The following NHSL1 variants were observed in gnomAD, a reference collection of about 807,000 sequenced individuals.
NHSL1 encodes NHS like 1.
NHSL1 carries 48 observed loss-of-function variants against 95.0 expected under a neutral mutation model. That is an observed-to-expected ratio of 0.51 (90% confidence interval 0.40 to 0.64). The LOEUF (loss-of-function observed/expected upper bound fraction) is 0.64. NHSL1 is among the 30% of genes least tolerant of loss of function. The pLI, the probability that NHSL1 is intolerant of heterozygous loss-of-function variation, is 0.00. For missense variants in NHSL1, 1,971 were observed against 2,077.7 expected (o/e 0.95, Z 1.00); for synonymous variants, 783 against 833.9 (o/e 0.94, Z 1.05).
intron 1 of NHSL1, among the ~76,000 whole-genome samples, chr6:138,580,827 C>G (rs1483717093): frequency 2.6e-5 from 4 of 152,208 alleles, no homozygotes; most frequent in African/African-American, 9.7e-5. Flanking sequence ...AGGTATGATT[C>G]AGTTAAGGAT....
intron 1 of NHSL1, among the ~76,000 whole-genome samples, chr6:138,670,871 T>C (rs187556277): frequency 6.6e-6 from 1 of 151,840 alleles, no homozygotes. Flanking sequence ...ATGGACCAGA[T>C]AGGCCAAGCA....
At chr6:138,514,248 G>A (rs1348833876) in intron 1 of NHSL1, among the ~76,000 whole-genome samples, 1 of 152,124 alleles carries the variant, frequency 6.6e-6, no homozygotes, top group Non-Finnish European at 1.5e-5. Context: ...AACCCGGGAG[G>A]AGGGGGTTGC....
chr6:138,439,254 G>A (rs192919939), intron 5 of NHSL1, among the ~76,000 whole-genome samples: 1 of 152,218 alleles, frequency 6.6e-6, no homozygotes, highest in South Asian at 2.1e-4. Context: ...TTTGGACAGG[G>A]TGCATCTTTC....
chr6:138,618,863 T>C (rs1030577744), intron 1 of NHSL1, among the ~76,000 whole-genome samples: 2 of 152,162 alleles, frequency 1.3e-5, no homozygotes, highest in Non-Finnish European at 2.9e-5. Context: ...ATTTAAAATA[T>C]ATATAATCAC....
At chr6:138,447,218 C>G in intron 3 of NHSL1, 25 bp from the exon 4 acceptor site, 1 of 1,530,708 alleles carries the variant, frequency 6.5e-7, no homozygotes, top group South Asian at 1.2e-5. Flanking sequence ...GAAGCAGCAG[C>G]CACAGTGTAT....
At chr6:138,469,873 A>C (rs1418180591) in intron 3 of NHSL1, among the ~76,000 whole-genome samples, 4 of 152,206 alleles carry the variant, frequency 2.6e-5, no homozygotes, top group Non-Finnish European at 5.9e-5. Flanking sequence ...GTGGGTGGCA[A>C]GTGGCTTTTT....
chr6:138,633,242 A>G (rs189019254), intron 1 of NHSL1, among the ~76,000 whole-genome samples: 30 of 152,338 alleles, frequency 2.0e-4, no homozygotes, highest in Middle Eastern at 6.8e-3. Flanking sequence ...GGCCTTAAAG[A>G]GGAGGTAGAG....
At position 138,437,439 on chromosome 6, in the gene NHSL1, C is replaced by CA. The variant is rs1562270875; in HGVS notation, c.665-3760dup. Among the ~76,000 whole-genome samples the CA allele has an allele frequency of 7.7e-4, 26 of 33,796 alleles. 3 individuals are homozygous for CA. Among genetic ancestry groups the CA allele is most frequent in the East Asian group, 2.1e-3 (2 of 956 alleles). 22.2% of individuals were successfully genotyped at this position (33,796 alleles called of 152,430 possible). ...ACACACACACACACACACACACACA[C>CA]ACACACAAAAAAAAAAAAAAAAAAT... On this transcript the variant is annotated intron_variant, in intron 5 of 7. Transcript: ENST00000343505.
intron 1 of NHSL1, among the ~76,000 whole-genome samples, chr6:138,585,574 G>C (rs570434783): frequency 6.6e-6 from 1 of 151,880 alleles, no homozygotes; most frequent in South Asian, 2.1e-4. Context: ...TCCAAATTTG[G>C]TCAAACTTCT....
At position 138,542,312 on chromosome 6, in the gene NHSL1, C is replaced by G. The variant is rs528951426; in HGVS notation, c.16+3311G>C. On this transcript the variant is annotated intron_variant, in intron 1 of 4. Coordinates refer to the NHSL1 transcript ENST00000342260. ...CACGGCCCTGCCAACTCCTTGATTT[C>G]AGACTTCTAGCCTCTAGAACTGTGA... 1.8e-3 allele frequency among the ~76,000 whole-genome samples: 271 copies of G among 152,326 alleles called. 1 individual carries two copies. Among genetic ancestry groups the G allele is most frequent in the African/African-American group, 6.3e-3 (261 of 41,574 alleles).
chr6:138,446,229 G>T (rs1776856833), intron 4 of NHSL1, among the ~76,000 whole-genome samples: 1 of 151,932 alleles, frequency 6.6e-6, no homozygotes, highest in Admixed American at 6.6e-5. Context: ...TACAGACAGG[G>T]TTTCACCACG....
intron 3 of NHSL1, 111 bp downstream of exon 3, chr6:138,473,195 T>C: frequency 1.0e-6 from 1 of 952,516 alleles, no homozygotes; most frequent in Non-Finnish European, 1.4e-6. Flanking sequence ...CTTGAGACAA[T>C]ACTATTGATT....
At chr6:138,599,804 C>T (rs1359402428) in intron 1 of NHSL1, among the ~76,000 whole-genome samples, 1 of 152,078 alleles carries the variant, frequency 6.6e-6, no homozygotes, top group Non-Finnish European at 1.5e-5. Context: ...CCTGTTGGTG[C>T]TGAGAGATTT....
At chr6:138,550,786 CTTCA>C (rs753288848) in intron 1 of NHSL1, among the ~76,000 whole-genome samples, 17 of 152,264 alleles carry the variant, frequency 1.1e-4, no homozygotes, top group Admixed American at 2.6e-4. Flanking sequence ...CAAAATTTGA[CTTCA>C]TTCCTGGCAA....
intron 3 of NHSL1, among the ~76,000 whole-genome samples, chr6:138,453,637 C>A (rs59706562): frequency 0.13 from 20,205 of 152,152 alleles, 1,357 homozygotes; most frequent in Middle Eastern, 0.17. Flanking sequence ...GACTCAAACT[C>A]CTGGGTTCAA....
rs1775683358 is a variant in NHSL1, at chr6:138,431,708, C to A, written c.2637G>T (p.Gly879=). ...LKSVSPANGK[G]KPKPKVPERK... is the part of the protein sequence containing the mutation. ...TTTCTGGTACCTTGGGCTTGGGCTT[C>A]CCCTTCCCGTTTGCTGGTGACACTG... The change falls in exon 6 of 8, where the codon GGG becomes GGT. Residue 879 remains glycine, a synonymous_variant. Transcript: ENST00000343505. This position sits in a 1 kb window ranked among gnomAD's most constrained non-coding sequence, Gnocchi z 4.0. The A allele has an allele frequency of 3.2e-6, 5 of 1,551,626 alleles. No homozygotes were observed. In the South Asian group the frequency reaches 4.8e-5, roughly 15 times the overall value.
chr6:138,618,594 T>G (rs887372708), intron 1 of NHSL1, among the ~76,000 whole-genome samples: 9 of 151,638 alleles, frequency 5.9e-5, no homozygotes, highest in Non-Finnish European at 1.3e-4. Context: ...ACAAAATCAG[T>G]TTTTTTTTAA....
intron 3 of NHSL1, among the ~76,000 whole-genome samples, chr6:138,467,578 C>T (rs1381787776): frequency 6.6e-6 from 1 of 152,194 alleles, no homozygotes; most frequent in African/African-American, 2.4e-5. Flanking sequence ...ATAACAGCTT[C>T]ATGGGTGTTA....
At position 138,424,407 on chromosome 6, in the gene NHSL1, G is replaced by A. The variant is rs1184941927; in HGVS notation, c.4495C>T (p.Arg1499Cys). The change falls in exon 8 of 8, where the codon CGC becomes TGC. Residue 1499 changes from arginine (R) to cysteine (C), a missense_variant. By Grantham distance (180) the Arg-to-Cys change is radical. Around this residue, in one of 3 missense-constraint regions of NHSL1, gnomAD observed 223 missense variants for 217.0 expected, o/e 1.03. Transcript: ENST00000343505. The surrounding 1 kb of genome is among the most constrained non-coding windows in gnomAD (Gnocchi z 5.9). ...SLSFSGPRYG[R>C]SRTPPSAASS... ...GCGGCAGAAGGCGGCGTTCGGCTGCGGCCGTACCTGGGGCCGGAAAAGGAC... is the reference window on the plus strand; with the variant it reads ...GCGGCAGAAGGCGGCGTTCGGCTGCAGCCGTACCTGGGGCCGGAAAAGGAC... 2.6e-6 allele frequency: 4 copies of A among 1,550,040 alleles called. No homozygotes were observed. The highest frequency in any genetic ancestry group is 3.5e-6 in the Non-Finnish European group (4 of 1,146,010).
Sources: gnomAD v4.1 joint callset for allele counts (sites outside exome capture counted in the v4.1 genomes callset) on GRCh38, gnomAD v4.1.1 for gene constraint, gnomAD v4.1.1 regional missense constraint, Gnocchi (gnomAD v3.1) non-coding constraint, MANE v1.5 for transcripts, NCBI Gene and HGNC (gene_info 2026-07-23, HGNC 2026-07-21) for gene names.